Variants in PRKD1 observed in about 807,000 individuals in gnomAD.
The protein encoded by PRKD1 is protein kinase D1.
In PRKD1, 63 loss-of-function variants were observed where a neutral mutation model predicts 95.9. The ratio of observed to expected loss-of-function variants is 0.66; its 90% CI spans 0.54 to 0.81. The LOEUF is 0.81. PRKD1 is among the 30% of genes least tolerant of loss of function. The pLI is 0.00. For synonymous variants in PRKD1, 425 were observed against 423.1 expected, an observed-to-expected ratio of 1.00 and a Z score of -0.05; for missense variants, 1,048 against 1,165.3, an observed-to-expected ratio of 0.90 and a Z score of 1.47.
chr14:29,626,411 T>C, intron 12 of PRKD1, 73 bp downstream of exon 12: 2 of 1,213,998 alleles, frequency 1.6e-6, no homozygotes, highest in Non-Finnish European at 2.4e-6. Context: ...ATGTTTTTCC[T>C]GTAAATATCG....
At chr14:29,792,795 T>A (rs955752046) in intron 1 of PRKD1, among the ~76,000 whole-genome samples, 17 of 152,164 alleles carry the variant, frequency 1.1e-4, no homozygotes, top group Admixed American at 1.1e-3. Context: ...GTAAGTAACA[T>A]TATGGAAACT....
chr14:29,912,987 C>A (rs555381102), intron 1 of PRKD1, among the ~76,000 whole-genome samples: 2 of 152,328 alleles, frequency 1.3e-5, no homozygotes, highest in South Asian at 4.1e-4. Context: ...TACAAATGCA[C>A]TATTGCAGTA....
intron 4 of PRKD1, chr14:29,650,287 G>C (rs1214118204): frequency 6.6e-6 from 1 of 152,466 alleles, no homozygotes; most frequent in African/African-American, 2.4e-5. Flanking sequence ...TCCTGCCTCA[G>C]GGCCCAAACC....
rs879630591 is a variant in PRKD1, at chr14:29,616,576, TGAGAC to T, written c.1905+7571_1905+7575del. On this transcript the variant is annotated intron_variant, in intron 13 of 17. Coordinates refer to ENST00000331968, the MANE Select transcript of PRKD1 (RefSeq NM_002742.3). ...CTCCTGCCTCAGCCACCCAAGTAGC[TGAGAC>T]TACAGGTGCACACTACCAACCGACT... Among the ~76,000 whole-genome samples the T allele has an allele frequency of 4.3e-3, 647 of 152,178 alleles. 4 individuals are homozygous for T. Among genetic ancestry groups the T allele is most frequent in the African/African-American group, 0.015 (608 of 41,536 alleles).
chr14:29,869,307 G>A (rs1893020959), intron 1 of PRKD1, among the ~76,000 whole-genome samples: 1 of 152,022 alleles, frequency 6.6e-6, no homozygotes, highest in Admixed American at 6.6e-5. Context: ...GTTGGGCATG[G>A]TGCCACGTGC....
At position 29,775,890 on chromosome 14, in the gene PRKD1, C is replaced by T. The variant is rs533608173; in HGVS notation, c.265-50216G>A. Among the ~76,000 whole-genome samples the T allele has an allele frequency of 5.3e-5, 8 of 152,282 alleles. No individual in the cohort carries two copies. In the East Asian group the frequency reaches 1.5e-3, roughly 29 times the overall value. ...CCCCGAGTAGCCTAACTGGGAGGCA[C>T]CTCCCAGTAGGGGCCGACTGACACC... On this transcript the variant is annotated intron_variant, in intron 1 of 17. Coordinates refer to ENST00000331968, the MANE Select transcript of PRKD1 (RefSeq NM_002742.3).
intron 1 of PRKD1, among the ~76,000 whole-genome samples, chr14:29,730,293 T>C (rs996946954): frequency 6.6e-6 from 1 of 151,890 alleles, no homozygotes; most frequent in Non-Finnish European, 1.5e-5. Flanking sequence ...TTCAGAGAAG[T>C]GCAAATTAAA....
chr14:29,618,781 G>GGA (rs1171492974), intron 13 of PRKD1, among the ~76,000 whole-genome samples: 11 of 145,442 alleles, frequency 7.6e-5, no homozygotes, highest in African/African-American at 2.8e-4. Flanking sequence ...AAATGAAATG[G>GGA]AAAAAAAAAA....
intron 1 of PRKD1, among the ~76,000 whole-genome samples, chr14:29,774,790 G>A (rs946014): frequency 0.15 from 22,682 of 152,028 alleles, 2,013 homozygotes; most frequent in South Asian, 0.22. Context: ...AGAGGATAAC[G>A]GCTCACATTT....
At chr14:29,841,237 T>C (rs58836419) in intron 1 of PRKD1, among the ~76,000 whole-genome samples, 5,271 of 152,264 alleles carry the variant, frequency 0.035, 119 homozygotes, top group East Asian at 0.11. Flanking sequence ...AGATGAGACT[T>C]TGGACTGTGG....
At chr14:29,582,483 C>T (rs956291909) in intron 16 of PRKD1, among the ~76,000 whole-genome samples, 2 of 152,190 alleles carry the variant, frequency 1.3e-5, no homozygotes, top group East Asian at 1.9e-4. Context: ...ATTACCACGG[C>T]TCTAAAAGCA....
At chr14:29,648,553 T>C (rs1314172854) in intron 4 of PRKD1, among the ~76,000 whole-genome samples, 1 of 152,220 alleles carries the variant, frequency 6.6e-6, no homozygotes, top group African/African-American at 2.4e-5. Context: ...TTTTCCAGGT[T>C]TGAACTGGGA....
chr14:29,629,154 C>T, intron 10 of PRKD1, 61 bp from the exon 11 acceptor site: 1 of 1,345,486 alleles, frequency 7.4e-7, no homozygotes, highest in East Asian at 2.4e-5. Context: ...AATAGCAAAA[C>T]AAGTAAGTAC....
intron 16 of PRKD1, among the ~76,000 whole-genome samples, chr14:29,594,359 G>C (rs979558630): frequency 3.9e-5 from 6 of 152,086 alleles, no homozygotes; most frequent in Non-Finnish European, 8.8e-5. Context: ...TGATACGATC[G>C]ATCTTTGGTT....
rs756280750 is a variant in PRKD1, at chr14:29,634,478, C to T, written c.1254G>A (p.Arg418=). The T allele has an allele frequency of 1.1e-4, 172 of 1,613,940 alleles. No homozygotes were observed. Among genetic ancestry groups the T allele is most frequent in the Middle Eastern group, 1.6e-4 (1 of 6,084 alleles). Residue 418 remains arginine (R), a synonymous_variant, in exon 8 of 18, where the codon AGG becomes AGA. Coordinates refer to ENST00000331968, the MANE Select transcript of PRKD1 (RefSeq NM_002742.3). ...RVVQSVKHTK[R]KSSTVMKEGW... ...CTTCTTTCATGACTGTGCTGCTTTT[C>T]CTCTTCGTGTGTTTGACAGACTGCA...
At chr14:29,614,213 ACTGTGTTGG>A (rs1878689481) in intron 13 of PRKD1, among the ~76,000 whole-genome samples, 1 of 152,176 alleles carries the variant, frequency 6.6e-6, no homozygotes, top group Admixed American at 6.5e-5. Context: ...AATTTGAAAT[ACTGTGTTGG>A]TATAAAGTGA....
chr14:29,642,683 GCTTA>G (rs1302532119), intron 4 of PRKD1, among the ~76,000 whole-genome samples: 1 of 151,920 alleles, frequency 6.6e-6, no homozygotes, highest in African/African-American at 2.4e-5. Context: ...CATTTTCTTG[GCTTA>G]CTTGTATATT....
chr14:29,889,599 T>C (rs1339490697), intron 1 of PRKD1, among the ~76,000 whole-genome samples: 1 of 152,218 alleles, frequency 6.6e-6, no homozygotes, highest in African/African-American at 2.4e-5. Flanking sequence ...GGCACATGGA[T>C]GAAGCTGGAA....
At chr14:29,879,500 A>C (rs1000945601) in intron 1 of PRKD1, among the ~76,000 whole-genome samples, 3 of 152,164 alleles carry the variant, frequency 2.0e-5, no homozygotes, top group Non-Finnish European at 4.4e-5. Flanking sequence ...AAGTCCAATT[A>C]AACCTCTTTT....
Sources: gnomAD v4.1 joint callset for allele counts (sites outside exome capture counted in the v4.1 genomes callset) on GRCh38, gnomAD v4.1.1 for gene constraint, MANE v1.5 for transcripts, NCBI Gene and HGNC (gene_info 2026-07-23, HGNC 2026-07-21) for gene names.